The following PCMTD2 variants were observed in gnomAD, a reference collection of about 807,000 sequenced individuals.
PCMTD2 encodes protein-L-isoaspartate (D-aspartate) O-methyltransferase domain containing 2.
Under a neutral mutation model 33.4 loss-of-function variants are expected in PCMTD2, and 16 were observed. That is an observed-to-expected ratio of 0.48 (90% confidence interval 0.32 to 0.73). The LOEUF (loss-of-function observed/expected upper bound fraction) is 0.73. Ranked by LOEUF, PCMTD2 falls within the 30% of genes least tolerant of loss-of-function variation. The probability of loss-of-function intolerance (pLI) is 0.03; values close to 1 mark genes in which losing one functional copy is unlikely to be tolerated. For synonymous variants in PCMTD2, 161 were observed against 160.8 expected (o/e 1.00, Z -0.01); for missense variants, 374 against 449.9 (o/e 0.83, Z 1.53).
At chr20:64,266,503 C>T (rs1412618147) in intron 4 of PCMTD2, among the ~76,000 whole-genome samples, 1 of 152,140 alleles carries the variant, frequency 6.6e-6, no homozygotes, top group East Asian at 1.9e-4. Context: ...ATGATCCGCC[C>T]ACCTCGGCCT....
At chr20:64,256,900 A>T (rs1985191762) in intron 1 of PCMTD2, 1 of 152,252 alleles carries the variant, frequency 6.6e-6, no homozygotes, top group African/African-American at 2.4e-5. Context: ...TACATGTGAC[A>T]GCCTTTCAAG....
rs1015584050 is a variant in PCMTD2, at chr20:64,269,861, G to A, written c.706+1851G>A. ...GGGTCATGGGTGCTGGCGTGTGGGGGGTGTGGGCGTGCATCGTGTGGGGTC... is the reference window on the plus strand; with the variant it reads ...GGGTCATGGGTGCTGGCGTGTGGGGAGTGTGGGCGTGCATCGTGTGGGGTC... On this transcript the variant is annotated intron_variant, in intron 5 of 5. Coordinates refer to ENST00000308824, the MANE Select transcript of PCMTD2 (RefSeq NM_018257.3). 4.1e-5 allele frequency among the ~76,000 whole-genome samples: 4 copies of A among 96,710 alleles called. No individual in the cohort carries two copies. In the South Asian group the frequency reaches 1.3e-3, roughly 32 times the overall value. The allele number at this position is 96,710 out of a possible 152,430, so 63.4% of individuals were successfully genotyped here.
chr20:64,265,233 T>A, intron 3 of PCMTD2, 25 bp from the exon 4 acceptor site: 2 of 1,567,980 alleles, frequency 1.3e-6, no homozygotes, highest in Non-Finnish European at 1.7e-6. Flanking sequence ...TACTTTTAGT[T>A]GCAGGAAGCA....
intron 5 of PCMTD2, among the ~76,000 whole-genome samples, chr20:64,269,589 G>A (rs1985800669): frequency 6.6e-6 from 1 of 152,214 alleles, no homozygotes; most frequent in Non-Finnish European, 1.5e-5. Context: ...AGACAGTGGA[G>A]TAGAAAACTC....
Position 64,273,595 on chromosome 20 carries a change from A to C in PCMTD2, c.1081A>C (p.Lys361Gln). 6.6e-7 allele frequency: 1 copy of C among 1,515,996 alleles called. No homozygotes were observed. Among genetic ancestry groups the C allele is most frequent in the Admixed American group, 2.3e-5 (1 of 42,906 alleles). The allele number at this position is 1,515,996 out of a possible 1,614,324, so 93.9% of individuals were successfully genotyped here. A position where few individuals can be genotyped will look rare whatever the true frequency, so the allele number is the denominator to read the frequency against. The change falls in exon 6 of 6, where the codon AAA becomes CAA. Residue 361 changes from lysine to glutamine, a missense_variant. Physicochemically the swap from Lys to Gln is moderately conservative, Grantham distance 53. Coordinates refer to ENST00000308824, the MANE Select transcript of PCMTD2 (RefSeq NM_018257.3). ...ATACTACTTGCTTTATTACAGAGAA[A>C]AATAAGTCTCCTGTTTGAAAGGGGG... ...LKYYLLYYRE[K>Q] is the part of the protein sequence containing the mutation.
In PCMTD2 at chr20:64,274,082, T is replaced by A. The variant is rs1408699607; in HGVS notation, c.*482T>A. Reference sequence around the variant, plus strand: ...GCACCTGCGTCCAAGTTTGAATTTTTATGATATGTACCACTTAATTACTGG... The same window carrying A: ...GCACCTGCGTCCAAGTTTGAATTTTAATGATATGTACCACTTAATTACTGG... On this transcript the variant is annotated 3_prime_UTR_variant, in exon 6 of 6. Transcript: ENST00000308824. 6.5e-6 allele frequency: 1 copy of A among 153,060 alleles called. No individual in the cohort carries two copies. The highest frequency in any genetic ancestry group is 1.5e-5 in the Non-Finnish European group (1 of 68,638). 9.5% of individuals were successfully genotyped at this position (153,060 alleles called of 1,614,324 possible). A position where few individuals can be genotyped will look rare whatever the true frequency, so the allele number is the denominator to read the frequency against.
rs1986085631 is a variant in PCMTD2 at position 64,276,199 on chromosome 20, T to A, written c.*2599T>A. The A allele has an allele frequency of 6.6e-6, 1 of 152,260 alleles. No homozygotes were observed. The highest frequency in any genetic ancestry group is 1.5e-5 in the Non-Finnish European group (1 of 68,044). The allele number at this position is 152,260 out of a possible 1,614,324, so 9.4% of individuals were successfully genotyped here. ...ATAGATGTAGAGAAGGCATTATTTT[T>A]CATTAATAAATGTGAAATTGGAATG... On this transcript the variant is annotated 3_prime_UTR_variant, in exon 6 of 6. Coordinates refer to ENST00000308824, the MANE Select transcript of PCMTD2 (RefSeq NM_018257.3).
At chr20:64,269,703 C>T (rs574526216) in intron 5 of PCMTD2, among the ~76,000 whole-genome samples, 4 of 150,792 alleles carry the variant, frequency 2.7e-5, no homozygotes, top group East Asian at 3.9e-4. Context: ...TGAGTGTAGA[C>T]GTGTGTGGTG....
intron 4 of PCMTD2, among the ~76,000 whole-genome samples, chr20:64,267,521 C>G (rs141302057): frequency 7.2e-5 from 11 of 152,296 alleles, no homozygotes; most frequent in African/African-American, 2.6e-4. Flanking sequence ...TGCTTTAGAA[C>G]AGACCCCCTT....
At chr20:64,264,721 A>G (rs1173906886) in intron 3 of PCMTD2, among the ~76,000 whole-genome samples, 190 bp downstream of exon 3, 3 of 152,238 alleles carry the variant, frequency 2.0e-5, no homozygotes, top group Non-Finnish European at 4.4e-5. Context: ...ACTGTTACAC[A>G]TACATAAGGT....
chr20:64,255,996 G>A (rs1299341932), intron 1 of PCMTD2, 126 bp downstream of exon 1: 2 of 152,196 alleles, frequency 1.3e-5, no homozygotes, highest in East Asian at 3.9e-4. Context: ...TCTCCTCTGG[G>A]GGCGTCGCTC....
chr20:64,273,701 G>C lies in PCMTD2; in HGVS notation c.*101G>C, dbSNP rs78030153. ...AGGGTCACCTGGAGGCAGACGTTGT[G>C]GGGAAGGGAACTGCTGGGCTCATCC... On this transcript the variant is annotated 3_prime_UTR_variant, in exon 6 of 6. Transcript: ENST00000308824. 4.5e-5 allele frequency: 46 copies of C among 1,013,724 alleles called. No individual in the cohort carries two copies. In the East Asian group the frequency reaches 5.0e-4, roughly 11 times the overall value. 62.8% of individuals were successfully genotyped at this position (1,013,724 alleles called of 1,614,324 possible).
Position 64,273,771 on chromosome 20 carries a change from A to G in PCMTD2, c.*171A>G, listed in dbSNP as rs1986009965. 2 of 498,312 alleles carry G rather than the reference A, an allele frequency of 4.0e-6. No individual in the cohort carries two copies. The highest frequency in any genetic ancestry group is 6.2e-5 in the East Asian group (2 of 32,214). 30.9% of individuals were successfully genotyped at this position (498,312 alleles called of 1,614,324 possible). On this transcript the variant is annotated 3_prime_UTR_variant, in exon 6 of 6. Coordinates refer to ENST00000308824, the MANE Select transcript of PCMTD2 (RefSeq NM_018257.3). ...GTTCCTGATTGACCTCTAAAATTCT[A>G]TTCAGTTGTATGATTTGTTTACATA...
chr20:64,257,467 T>A (rs1286208804), intron 1 of PCMTD2, among the ~76,000 whole-genome samples: 2 of 152,262 alleles, frequency 1.3e-5, no homozygotes, highest in Non-Finnish European at 2.9e-5. Context: ...AAAATGATTC[T>A]ACACTTTTAC....
chr20:64,260,174 C>T lies in PCMTD2; in HGVS notation c.209C>T (p.Ser70Leu), dbSNP rs769714581. The change falls in exon 2 of 6, where the codon TCG (serine) becomes TTG (leucine). Residue 70 changes from serine to leucine, a missense_variant. Transcript: ENST00000308824. Reference sequence around the variant, plus strand: ...CACCTCTCAGCCCCGTGCATCTACTCGGAGGTGATGGAAGCCCTAGATCTG... The same window carrying T: ...CACCTCTCAGCCCCGTGCATCTACTTGGAGGTGATGGAAGCCCTAGATCTG... ...NIHLSAPCIY[S>L]EVMEALDLQP... 13 of 1,612,820 alleles carry T rather than the reference C, an allele frequency of 8.1e-6. No individual in the cohort carries two copies. The highest frequency in any genetic ancestry group is 1.7e-5 in the Admixed American group (1 of 59,990).
At chr20:64,270,378 TG>T (rs1985862843) in intron 5 of PCMTD2, among the ~76,000 whole-genome samples, 1 of 145,830 alleles carries the variant, frequency 6.9e-6, no homozygotes, top group African/African-American at 2.6e-5. Flanking sequence ...ATGCAGGGTG[TG>T]GGGTCGTGTG....
At chr20:64,265,607 G>GAATTTTGCCCGATTTTT in intron 4 of PCMTD2, 178 bp downstream of exon 4, 1 of 453,818 alleles carries the variant, frequency 2.2e-6, no homozygotes. Flanking sequence ...GCCAGAAGCT[G>GAATTTTGCCCGATTTTT]ACTCAGGTGG....
chr20:64,257,365 T>C (rs143405513), intron 1 of PCMTD2, among the ~76,000 whole-genome samples: 47 of 152,348 alleles, frequency 3.1e-4, no homozygotes, highest in African/African-American at 1.1e-3. Context: ...CAGGTTGTTA[T>C]GGACTGTTGC....
chr20:64,272,679 G>A (rs191655842), intron 5 of PCMTD2, among the ~76,000 whole-genome samples: 2 of 152,334 alleles, frequency 1.3e-5, no homozygotes, highest in Admixed American at 1.3e-4. Flanking sequence ...AATTAGCTGG[G>A]CGTGGTGGCG....
Sources: allele counts gnomAD v4.1 joint callset (sites outside exome capture counted in the v4.1 genomes callset), GRCh38; gene constraint gnomAD v4.1.1; transcripts MANE v1.5; gene names NCBI Gene and HGNC (gene_info 2026-07-23, HGNC 2026-07-21).